ANKRD28: variants seen among roughly 807,000 people sequenced by gnomAD.
The protein encoded by ANKRD28 is serine/threonine-protein phosphatase 6 regulatory ankyrin repeat subunit A.
In ANKRD28, 44 loss-of-function variants were observed where a neutral mutation model predicts 126.5. The ratio of observed to expected loss-of-function variants is 0.35; its 90% CI spans 0.27 to 0.45. The LOEUF is 0.45. Ranked by LOEUF, ANKRD28 falls within the 20% of genes least tolerant of loss-of-function variation. The pLI is 1.00. For synonymous variants in ANKRD28, 442 were observed against 468.5 expected, an observed-to-expected ratio of 0.94 and a Z score of 0.73; for missense variants, 1,110 against 1,316.6, an observed-to-expected ratio of 0.84 and a Z score of 2.43.
At chr3:15,706,775 T>G (rs939241502) in intron 14 of ANKRD28, among the ~76,000 whole-genome samples, 2 of 152,204 alleles carry the variant, frequency 1.3e-5, no homozygotes, top group African/African-American at 2.4e-5. Flanking sequence ...TTTTAATGAT[T>G]GCCATTCTAA....
At position 15,850,224 on chromosome 3, in the gene ANKRD28, T is replaced by TATATATAGAGAG. The variant is rs1418223588; in HGVS notation, c.27+9152_27+9153insCTCTCTATATAT. ...AAAAAAATATATATATATATATATA[T>TATATATAGAGAG]AGAGAGAGAGAGAGAGAGAGAGAGA... On this transcript the variant is annotated intron_variant, in intron 1 of 27. Transcript: ENST00000399451. Among the ~76,000 whole-genome samples, 88 of 35,114 alleles carry TATATATAGAGAG rather than the reference T, an allele frequency of 2.5e-3. 1 individual carries two copies. The highest frequency in any genetic ancestry group is 3.4e-3 in the Admixed American group (7 of 2,068). The allele number at this position is 35,114 out of a possible 152,430, so 23.0% of individuals were successfully genotyped here. A position where few individuals can be genotyped will look rare whatever the true frequency, so the allele number is the denominator to read the frequency against.
At position 15,772,274 on chromosome 3, in the gene ANKRD28, TC is replaced by T. The variant is rs555251691; in HGVS notation, c.202-5963del. Among the ~76,000 whole-genome samples, 52 of 152,122 alleles carry T rather than the reference TC, an allele frequency of 3.4e-4. No homozygotes were observed. The East Asian group carries it at 9.9e-3, about 29-fold the overall frequency. Reference sequence around the variant, plus strand: ...CTCAAAAGCTGATTCTTTGAAAAGATCAATATAATTAGTAATCTTCAAGTCA... The same window carrying T: ...CTCAAAAGCTGATTCTTTGAAAAGATAATATAATTAGTAATCTTCAAGTCA... On this transcript the variant is annotated intron_variant, in intron 2 of 27. Transcript: ENST00000683139.
In ANKRD28 at chr3:15,673,580, G is replaced by A. The variant is rs141604286; in HGVS notation, c.2965+2318C>T. On this transcript the variant is annotated intron_variant, in intron 27 of 27. Coordinates refer to ENST00000683139, the MANE Select transcript of ANKRD28 (RefSeq NM_001349278.2). ...TTTATGTAAAAAAAGAGGAAAGAGT[G>A]GAGCAGGTTAACAAGGACTGAGAAT... Among the ~76,000 whole-genome samples the A allele has an allele frequency of 1.6e-4, 24 of 152,312 alleles. 1 individual carries two copies. In the East Asian group the frequency reaches 4.6e-3, roughly 29 times the overall value.
At chr3:15,789,918 G>A (rs2059949740) in intron 2 of ANKRD28, among the ~76,000 whole-genome samples, 1 of 151,846 alleles carries the variant, frequency 6.6e-6, no homozygotes, top group South Asian at 2.1e-4. Flanking sequence ...AATCAGAAAT[G>A]AAAAAGGAGA....
At chr3:15,690,777 C>T (rs771764546) in intron 17 of ANKRD28, among the ~76,000 whole-genome samples, 14 of 152,012 alleles carry the variant, frequency 9.2e-5, no homozygotes, top group Admixed American at 4.6e-4. Flanking sequence ...CTATGCTATC[C>T]GGGCTGGTCT....
chr3:15,695,187 C>A lies in ANKRD28; in HGVS notation c.1686+1G>T, dbSNP rs1255206414. The A allele has an allele frequency of 1.1e-5, 18 of 1,595,198 alleles. No homozygotes were observed. Among genetic ancestry groups the A allele is most frequent in the Non-Finnish European group, 3.4e-6 (4 of 1,168,190 alleles). On this transcript the variant is annotated splice_donor_variant, in intron 16 of 27. Transcript: ENST00000683139. LOFTEE classifies it high-confidence loss of function. ...GTGGGAGGGAATTGACTAATACTTACAACATCTAGAGGAGTTTCACTTGCA... is the reference window on the plus strand; with the variant it reads ...GTGGGAGGGAATTGACTAATACTTAAAACATCTAGAGGAGTTTCACTTGCA...
intron 21 of ANKRD28, 79 bp from the exon 22 acceptor site, chr3:15,679,642 A>G: frequency 9.0e-7 from 1 of 1,112,710 alleles, no homozygotes; most frequent in Non-Finnish European, 1.3e-6. Context: ...AAGTGTTTAA[A>G]GGAAAAATGT....
At position 15,724,367 on chromosome 3, in the gene ANKRD28, A is replaced by C. The variant is rs1297351360; in HGVS notation, c.783+15T>G. 1.9e-6 allele frequency: 3 copies of C among 1,590,674 alleles called. No homozygotes were observed. Among genetic ancestry groups the C allele is most frequent in the Admixed American group, 3.6e-5 (2 of 55,918 alleles). ...AGGGTTCCATAATTTTATACTGTTC[A>C]ATTAATATACCTACATCAACTCCAA... On this transcript the variant is annotated intron_variant, in intron 7 of 27. Transcript: ENST00000683139.
At position 15,844,000 on chromosome 3, in the gene ANKRD28, T is replaced by A. The variant is rs967215037; in HGVS notation, c.27+15377A>T. On this transcript the variant is annotated intron_variant, in intron 1 of 27. Transcript: ENST00000399451. The surrounding 1 kb of genome is among the most constrained non-coding windows in gnomAD (Gnocchi z 5.2). ...ATGCAGGAACGAAAGCTGGGTAGGG[T>A]AGGTGATAGTTGAAGAAAAAGGGGA... 6.6e-6 allele frequency among the ~76,000 whole-genome samples: 1 copy of A among 151,786 alleles called. No homozygotes were observed. Among genetic ancestry groups the A allele is most frequent in the Non-Finnish European group, 1.5e-5 (1 of 67,914 alleles).
At chr3:15,728,704 C>A (rs1008238204) in intron 6 of ANKRD28, among the ~76,000 whole-genome samples, 1 of 152,242 alleles carries the variant, frequency 6.6e-6, no homozygotes, top group Non-Finnish European at 1.5e-5. Flanking sequence ...TCTCTCTGAT[C>A]TCTGCCTTAC....
chr3:15,749,447 T>A (rs2057726614), intron 4 of ANKRD28, among the ~76,000 whole-genome samples: 1 of 152,222 alleles, frequency 6.6e-6, no homozygotes, highest in South Asian at 2.1e-4. Context: ...CACTTTTCTC[T>A]GGTGTCTCCT....
chr3:15,797,624 T>A lies in ANKRD28; in HGVS notation c.-1103A>T. 1.0e-6 allele frequency: 1 copy of A among 985,298 alleles called. No homozygotes were observed. Among genetic ancestry groups the A allele is most frequent in the Non-Finnish European group, 1.2e-6 (1 of 829,906 alleles). The allele number at this position is 985,298 out of a possible 1,614,324, so 61.0% of individuals were successfully genotyped here. ...TCCAGTGTTTCCTTTGATCTCCACA[T>A]GAATACAGCTTCCATTAAACAGTCT... is the stretch of plus-strand genomic sequence containing the variant. On this transcript the variant is annotated 5_prime_UTR_variant, in exon 1 of 28. An upstream start codon of the reference 5' UTR is lost. Transcript: ENST00000683139.
At chr3:15,754,373 T>G (rs1264157470) in intron 3 of ANKRD28, among the ~76,000 whole-genome samples, 1 of 152,148 alleles carries the variant, frequency 6.6e-6, no homozygotes, top group Non-Finnish European at 1.5e-5. Flanking sequence ...TGTGTTCAAG[T>G]AACCCTTACG....
intron 6 of ANKRD28, among the ~76,000 whole-genome samples, chr3:15,735,193 G>C (rs2074936162): frequency 6.6e-6 from 1 of 151,910 alleles, no homozygotes; most frequent in South Asian, 2.1e-4. Flanking sequence ...TTTTTTAAGG[G>C]TAAATGGAAT....
chr3:15,782,621 C>G (rs566543366), intron 2 of ANKRD28, among the ~76,000 whole-genome samples: 1 of 152,146 alleles, frequency 6.6e-6, no homozygotes, highest in Non-Finnish European at 1.5e-5. Flanking sequence ...ACTGAGTGTT[C>G]AGGGAAAAAT....
intron 2 of ANKRD28, among the ~76,000 whole-genome samples, chr3:15,767,139 C>T (rs1412897079): frequency 6.6e-6 from 1 of 152,142 alleles, no homozygotes; most frequent in Non-Finnish European, 1.5e-5. Flanking sequence ...AAATCTTCCT[C>T]CAGGAAAAGA....
At chr3:15,702,571 AC>A (rs2070768164) in intron 14 of ANKRD28, among the ~76,000 whole-genome samples, 1 of 152,244 alleles carries the variant, frequency 6.6e-6, no homozygotes, top group African/African-American at 2.4e-5. Flanking sequence ...CCCACTAACC[AC>A]ATAGGTTAAA....
rs2061428823 is a variant in ANKRD28 at position 15,841,819 on chromosome 3, C to T, written c.27+17558G>A. Among the ~76,000 whole-genome samples, 2 of 152,076 alleles carry T rather than the reference C, an allele frequency of 1.3e-5. 1 individual carries two copies. The highest frequency in any genetic ancestry group is 1.3e-4 in the Admixed American group (2 of 15,266). On this transcript the variant is annotated intron_variant, in intron 1 of 27. Transcript: ENST00000399451. Reference sequence around the variant, plus strand: ...GTGGAGAAAAGGGAACCCTTGTACACTGTTGGTAGGAATGCAAACTAGTAC... The same window carrying T: ...GTGGAGAAAAGGGAACCCTTGTACATTGTTGGTAGGAATGCAAACTAGTAC...
In ANKRD28 at chr3:15,851,169, T is replaced by C. The variant is rs541865594; in HGVS notation, c.27+8208A>G. Among the ~76,000 whole-genome samples the C allele has an allele frequency of 1.5e-4, 23 of 152,248 alleles. No homozygotes were observed. The South Asian group carries it at 3.3e-3, about 22-fold the overall frequency. On this transcript the variant is annotated intron_variant, in intron 1 of 27. Coordinates refer to the ANKRD28 transcript ENST00000399451. ...ATCACAAATAAATACTTCTCCAAAA[T>C]AGACACACAAATGGCCAATATGCAC...
Sources: allele counts gnomAD v4.1 joint callset (sites outside exome capture counted in the v4.1 genomes callset), GRCh38; gene constraint gnomAD v4.1.1; non-coding constraint Gnocchi (gnomAD v3.1); transcripts MANE v1.5; gene names NCBI Gene and HGNC (gene_info 2026-07-23, HGNC 2026-07-21).